Variants in RIC1 observed in about 807,000 individuals in gnomAD.
RIC1 encodes the protein RIC1 partner of RAB6A GEF complex.
RIC1 carries 88 observed loss-of-function variants against 169.0 expected under a neutral mutation model. The ratio of observed to expected loss-of-function variants is 0.52; its 90% CI spans 0.44 to 0.62. The LOEUF is 0.62. Among genes scored for constraint, RIC1 ranks in the 20% least tolerant of loss-of-function variants. The pLI is 0.00. For synonymous variants in RIC1, 790 were observed against 601.5 expected (o/e 1.31, Z -4.59); for missense variants, 1,877 against 1,725.5 (o/e 1.09, Z -1.56).
intron 6 of RIC1, among the ~76,000 whole-genome samples, chr9:5,725,611 T>C (rs1823922874): frequency 6.6e-6 from 1 of 152,188 alleles, no homozygotes; most frequent in Admixed American, 6.5e-5. Flanking sequence ...CTTTTGAATG[T>C]GTCTGCTCCT....
chr9:5,672,569 A>G (rs1820172812), intron 2 of RIC1, among the ~76,000 whole-genome samples: 1 of 152,222 alleles, frequency 6.6e-6, no homozygotes, highest in African/African-American at 2.4e-5. Flanking sequence ...AAAAGATAAG[A>G]GACCTGCAGG....
intron 4 of RIC1, among the ~76,000 whole-genome samples, chr9:5,717,560 G>T (rs1362841047): frequency 6.6e-6 from 1 of 152,138 alleles, no homozygotes; most frequent in East Asian, 1.9e-4. Flanking sequence ...TTCAGTTCTT[G>T]CAGGCCAGGC....
At chr9:5,662,377 A>G (rs931986162) in intron 2 of RIC1, among the ~76,000 whole-genome samples, 5 of 152,000 alleles carry the variant, frequency 3.3e-5, no homozygotes, top group East Asian at 3.9e-4. Flanking sequence ...CTAATTTTCA[A>G]TTGTTTTGGA....
At chr9:5,739,978 T>C (rs943148121) in intron 8 of RIC1, among the ~76,000 whole-genome samples, 1 of 152,182 alleles carries the variant, frequency 6.6e-6, no homozygotes, top group Non-Finnish European at 1.5e-5. Context: ...GTTTCCACAA[T>C]TTTAGCTCTT....
At chr9:5,728,638 A>T (rs774163699) in intron 6 of RIC1, among the ~76,000 whole-genome samples, 2 of 152,290 alleles carry the variant, frequency 1.3e-5, no homozygotes, top group South Asian at 4.1e-4. Context: ...GGAGCTGTAC[A>T]CTGGAGCTGT....
chr9:5,638,057 G>A (rs1268417380), intron 1 of RIC1, among the ~76,000 whole-genome samples: 5 of 152,154 alleles, frequency 3.3e-5, no homozygotes, highest in African/African-American at 1.2e-4. Context: ...TTTATGAAGG[G>A]ATGTTGAATT....
intron 16 of RIC1, 21 bp from the exon 17 acceptor site, chr9:5,757,292 G>C (rs1480956739): frequency 6.2e-7 from 1 of 1,613,080 alleles, no homozygotes; most frequent in Non-Finnish European, 8.5e-7. Context: ...TGAGGTATGT[G>C]GGTTTCTTTT....
chr9:5,695,233 TAAG>T (rs928264821), intron 3 of RIC1, among the ~76,000 whole-genome samples: 38 of 152,210 alleles, frequency 2.5e-4, no homozygotes, highest in African/African-American at 7.2e-4. Context: ...TGAAAATTCA[TAAG>T]AAGATACCGT....
intron 2 of RIC1, among the ~76,000 whole-genome samples, chr9:5,674,134 G>C (rs1164587251): frequency 1.3e-5 from 2 of 152,044 alleles, no homozygotes; most frequent in Non-Finnish European, 2.9e-5. Context: ...CCCTGGAAAA[G>C]ACATAAGGAC....
rs1217016541 is a variant in RIC1, at chr9:5,762,610, G to A, written c.2062G>A (p.Gly688Ser). ...CATCATGATGCAGAGGGACAGGTCA[G>A]GCCCACAGATCCGGGAGAAGGACAG... The part of the protein sequence containing the change: ...QLIMMQRDRS[G>S]PQIREKDSNP... The change falls in exon 18 of 26, where the codon GGC becomes AGC. Residue 688 changes from glycine (G) to serine (S), a missense_variant. By Grantham distance (56) the Gly-to-Ser change is moderately conservative. Coordinates refer to ENST00000414202, the MANE Select transcript of RIC1 (RefSeq NM_020829.4). 1 of 1,613,878 alleles carries A rather than the reference G, an allele frequency of 6.2e-7. No homozygotes were observed. Among genetic ancestry groups the A allele is most frequent in the African/African-American group, 1.3e-5 (1 of 74,898 alleles).
At chr9:5,755,333 T>C (rs1335838050) in intron 15 of RIC1, among the ~76,000 whole-genome samples, 1 of 152,220 alleles carries the variant, frequency 6.6e-6, no homozygotes, top group Non-Finnish European at 1.5e-5. Flanking sequence ...CTGTTAATAG[T>C]ACTGAACCCT....
Position 5,738,566 on chromosome 9 carries a change from T to A in RIC1, c.901+28T>A, listed in dbSNP as rs781126869. 2,350 of 1,145,922 alleles carry A rather than the reference T, an allele frequency of 2.1e-3. 33 individuals carry two copies. The African/African-American group carries it at 0.032, about 15-fold the overall frequency. The allele number at this position is 1,145,922 out of a possible 1,614,324, so 71.0% of individuals were successfully genotyped here. ...GAGTCTTTTTTTTTTTTTTTTTTTT[T>A]AACATTTTTAATGTACTGGTATTGC... On this transcript the variant is annotated intron_variant, in intron 8 of 25. Transcript: ENST00000414202.
At chr9:5,646,007 A>G (rs527907760) in intron 1 of RIC1, among the ~76,000 whole-genome samples, 18 of 149,150 alleles carry the variant, frequency 1.2e-4, no homozygotes, top group African/African-American at 4.5e-4. Context: ...ATTGCCACAT[A>G]CTGTGTTTCC....
At chr9:5,751,190 T>C (rs1386451080) in intron 12 of RIC1, among the ~76,000 whole-genome samples, 1 of 151,800 alleles carries the variant, frequency 6.6e-6, no homozygotes, top group African/African-American at 2.4e-5. Context: ...AAGGATTCCT[T>C]TTAGTGCAAT....
At chr9:5,753,386 T>C in intron 13 of RIC1, 148 bp downstream of exon 13, 1 of 836,562 alleles carries the variant, frequency 1.2e-6, no homozygotes, top group Non-Finnish European at 1.9e-6. Context: ...TCTATAATTT[T>C]GTCAGATATA....
At chr9:5,722,416 G>C (rs1431229669) in intron 6 of RIC1, among the ~76,000 whole-genome samples, 1 of 150,560 alleles carries the variant, frequency 6.6e-6, no homozygotes, top group Non-Finnish European at 1.5e-5. Context: ...CTATAGGTAT[G>C]TATCACACGT....
chr9:5,685,402 A>G (rs1475536612), intron 2 of RIC1, among the ~76,000 whole-genome samples: 2 of 151,696 alleles, frequency 1.3e-5, no homozygotes, highest in Non-Finnish European at 2.9e-5. Context: ...TAACCAAAAC[A>G]GCATGGTACT....
At chr9:5,670,101 A>G (rs564627147) in intron 2 of RIC1, among the ~76,000 whole-genome samples, 14 of 152,314 alleles carry the variant, frequency 9.2e-5, no homozygotes, top group Admixed American at 3.3e-4. Flanking sequence ...GCATCTCACA[A>G]ATACAGGAAA....
At chr9:5,762,730 A>G (rs1378882499) in intron 18 of RIC1, 70 bp downstream of exon 18, 2 of 1,512,196 alleles carry the variant, frequency 1.3e-6, no homozygotes, top group Non-Finnish European at 1.8e-6. Flanking sequence ...GGAATGAAAC[A>G]ATTTAAGAGA....
Sources: allele counts gnomAD v4.1 joint callset (sites outside exome capture counted in the v4.1 genomes callset), GRCh38; gene constraint gnomAD v4.1.1; transcripts MANE v1.5; gene names NCBI Gene and HGNC (gene_info 2026-07-23, HGNC 2026-07-21).